The following NASP variants were observed in gnomAD, a reference collection of about 807,000 sequenced individuals.
NASP encodes nuclear autoantigenic sperm protein, also known as NASP histone chaperone.
In NASP, 24 loss-of-function variants were observed where a neutral mutation model predicts 89.5. That is an observed-to-expected ratio of 0.27 (90% CI 0.19 to 0.38). NASP has a LOEUF of 0.38. Among genes scored for constraint, NASP ranks in the 10% least tolerant of loss-of-function variants. The pLI, the probability that NASP is intolerant of heterozygous loss-of-function variation, is 1.00. For missense variants in NASP, 848 were observed against 921.4 expected (o/e 0.92, Z 1.03); for synonymous variants, 306 against 324.7 (o/e 0.94, Z 0.62).
rs547094616 is a variant in NASP at position 45,618,287 on chromosome 1, A to G, written c.*146A>G. 3 of 660,258 alleles carry G rather than the reference A, an allele frequency of 4.5e-6. No homozygotes were observed. The highest frequency in any genetic ancestry group is 1.8e-5 in the African/African-American group (1 of 54,464). The allele number at this position is 660,258 out of a possible 1,614,324, so 40.9% of individuals were successfully genotyped here. ...TGGTTTTTTTCTTAATTATTGGCTG[A>G]ATCTGCCTTGGAGCACTGCTGGTTT... is the stretch of plus-strand genomic sequence containing the variant. On this transcript the variant is annotated 3_prime_UTR_variant, in exon 15 of 15. Transcript: ENST00000350030.
chr1:45,599,978 C>CTTTTTT (rs1643800847), intron 2 of NASP, among the ~76,000 whole-genome samples: 1 of 63,234 alleles, frequency 1.6e-5, no homozygotes, highest in African/African-American at 7.6e-5. Flanking sequence ...TTTTTTTTGG[C>CTTTTTT]TTGCCTTCTT....
At chr1:45,602,445 A>G in intron 3 of NASP, 80 bp downstream of exon 3, 1 of 1,355,224 alleles carries the variant, frequency 7.4e-7, no homozygotes, top group Non-Finnish European at 1.0e-6. Flanking sequence ...TTATGGGGAA[A>G]AAGCATGAAG....
Position 45,608,152 on chromosome 1 carries a change from T to C in NASP, c.1241T>C (p.Val414Ala), listed in dbSNP as rs1482093329. ...TKDGSGLEEKVRAKLVPSQEE... is the reference protein window; with the variant it reads ...TKDGSGLEEKARAKLVPSQEE... ...GATGGCTCAGGACTAGAGGAGAAGG[T>C]CAGGGCAAAGCTGGTTCCTAGTCAG... The change falls in exon 6 of 15, where the codon GTC becomes GCC. Residue 414 changes from valine to alanine, a missense_variant. By Grantham distance (64) the Val-to-Ala change is moderately conservative. Coordinates refer to ENST00000350030, the MANE Select transcript of NASP (RefSeq NM_002482.4). 1 of 1,614,094 alleles carries C rather than the reference T, an allele frequency of 6.2e-7. No homozygotes were observed. The highest frequency in any genetic ancestry group is 1.7e-5 in the Admixed American group (1 of 60,012).
chr1:45,614,678 A>G (rs1283808834), intron 9 of NASP, among the ~76,000 whole-genome samples: 2 of 152,152 alleles, frequency 1.3e-5, no homozygotes, highest in Non-Finnish European at 2.9e-5. Context: ...AGCTGGGATT[A>G]CAGGCACCCA....
chr1:45,613,619 C>T (rs1028234867), intron 7 of NASP, among the ~76,000 whole-genome samples: 4 of 152,176 alleles, frequency 2.6e-5, no homozygotes, highest in Admixed American at 2.6e-4. Flanking sequence ...ATAGCTAGGT[C>T]TCCAGATGTC....
rs749639588 is a variant in NASP at position 45,606,476 on chromosome 1, T to C, written c.300-6T>C. 17 of 1,608,358 alleles carry C rather than the reference T, an allele frequency of 1.1e-5. No individual in the cohort carries two copies. The South Asian group carries it at 1.6e-4, about 16-fold the overall frequency. Reference sequence around the variant, plus strand: ...AAACCTTTGGTGCTTTCTTTTGTTCTCCTAGAATGGAGAATGGTGTGTTGG... The same window carrying C: ...AAACCTTTGGTGCTTTCTTTTGTTCCCCTAGAATGGAGAATGGTGTGTTGG... On this transcript the variant is annotated splice_polypyrimidine_tract_variant and splice_region_variant and intron_variant, in intron 4 of 14. Coordinates refer to ENST00000350030, the MANE Select transcript of NASP (RefSeq NM_002482.4).
At chr1:45,586,569 G>C (rs1002855873) in intron 1 of NASP, among the ~76,000 whole-genome samples, 2 of 151,976 alleles carry the variant, frequency 1.3e-5, no homozygotes, top group African/African-American at 2.4e-5. Flanking sequence ...GATTACCGGC[G>C]TGAGCCACCA....
chr1:45,600,816 C>G (rs529228523), intron 2 of NASP, among the ~76,000 whole-genome samples: 53 of 152,176 alleles, frequency 3.5e-4, no homozygotes, highest in Non-Finnish European at 5.0e-4. Flanking sequence ...TTTGACAGTT[C>G]TAGTTGCCCT....
rs1292037769 is a variant in NASP at position 45,608,151 on chromosome 1, G to A, written c.1240G>A (p.Val414Ile). The A allele has an allele frequency of 1.9e-6, 3 of 1,614,042 alleles. No individual in the cohort carries two copies. The African/African-American group carries it at 4.0e-5, about 22-fold the overall frequency. ...TKDGSGLEEK[V>I]RAKLVPSQEE... ...AGATGGCTCAGGACTAGAGGAGAAG[G>A]TCAGGGCAAAGCTGGTTCCTAGTCA... The change falls in exon 6 of 15, where the codon GTC (valine) becomes ATC (isoleucine). Residue 414 changes from valine (V) to isoleucine (I), a missense_variant. Val to Ile is a conservative substitution (Grantham distance 29). Around this residue, in one of 5 missense-constraint regions of NASP, gnomAD observed 464 missense variants for 469.4 expected, o/e 0.99. Coordinates refer to ENST00000350030, the MANE Select transcript of NASP (RefSeq NM_002482.4).
chr1:45,606,262 G>A lies in NASP; in HGVS notation c.300-220G>A, dbSNP rs187802213. 1.3e-4 allele frequency among the ~76,000 whole-genome samples: 20 copies of A among 152,266 alleles called. No homozygotes were observed. In the East Asian group the frequency reaches 3.5e-3, roughly 26 times the overall value. ...TTGACAAGAGACATGCTTTTCAGGC[G>A]GCTGGATGGAGGAATATGCTTATTT... On this transcript the variant is annotated intron_variant, in intron 4 of 14. Coordinates refer to ENST00000350030, the MANE Select transcript of NASP (RefSeq NM_002482.4).
At chr1:45,606,713 C>A in intron 5 of NASP, 122 bp downstream of exon 5, 1 of 597,348 alleles carries the variant, frequency 1.7e-6, no homozygotes, top group Non-Finnish European at 2.9e-6. Flanking sequence ...GGTGATGATG[C>A]CTGCATCTGG....
chr1:45,617,782 T>C (rs1447366100), intron 14 of NASP, among the ~76,000 whole-genome samples, 191 bp downstream of exon 14: 2 of 152,216 alleles, frequency 1.3e-5, no homozygotes, highest in Admixed American at 1.3e-4. Flanking sequence ...CACTGACAAA[T>C]GGAACCTGTA....
chr1:45,615,136 A>C lies in NASP; in HGVS notation c.1790A>C (p.Asn597Thr). 1.2e-6 allele frequency: 2 copies of C among 1,614,070 alleles called. No individual in the cohort carries two copies. The highest frequency in any genetic ancestry group is 1.7e-6 in the Non-Finnish European group (2 of 1,180,026). Residue 597 changes from asparagine to threonine, a missense_variant, in exon 10 of 15, where the codon AAC (asparagine) becomes ACC (threonine). Coordinates refer to ENST00000350030, the MANE Select transcript of NASP (RefSeq NM_002482.4). ...CAGCTGGGCTTGGCTTATGGGTACA[A>C]CTCTCAGTATGATGAGGCAGTGGCA... Reference protein sequence around the residue: ...HYQLGLAYGYNSQYDEAVAQF... With the variant: ...HYQLGLAYGYTSQYDEAVAQF...
chr1:45,586,449 C>G (rs915364013), intron 1 of NASP, among the ~76,000 whole-genome samples: 2 of 152,048 alleles, frequency 1.3e-5, no homozygotes, highest in Admixed American at 1.3e-4. Context: ...CAAGGCCCAG[C>G]TGATTCTAGT....
chr1:45,593,217 C>T (rs2148335015), intron 2 of NASP, among the ~76,000 whole-genome samples: 1 of 151,940 alleles, frequency 6.6e-6, no homozygotes, highest in South Asian at 2.1e-4. Flanking sequence ...ATGAAATAGG[C>T]GATTCTGATA....
intron 2 of NASP, among the ~76,000 whole-genome samples, chr1:45,592,321 G>T (rs1466908774): frequency 1.3e-5 from 2 of 151,894 alleles, no homozygotes; most frequent in Non-Finnish European, 2.9e-5. Flanking sequence ...TGCTTTGTTG[G>T]CCAGGGTGGT....
chr1:45,588,085 CA>C (rs1340480229), intron 1 of NASP, among the ~76,000 whole-genome samples: 4 of 147,608 alleles, frequency 2.7e-5, no homozygotes, highest in Non-Finnish European at 4.5e-5. Context: ...ACTAAAAATA[CA>C]AAAATCAGCC....
intron 1 of NASP, among the ~76,000 whole-genome samples, chr1:45,587,679 T>TAC (rs1644574822): frequency 1.1e-5 from 1 of 92,700 alleles, no homozygotes; most frequent in Non-Finnish European, 2.1e-5. Context: ...TATATATATA[T>TAC]ATATATATAA....
chr1:45,600,170 C>CT (rs1302079126), intron 2 of NASP, among the ~76,000 whole-genome samples: 2 of 152,102 alleles, frequency 1.3e-5, no homozygotes, highest in Admixed American at 1.3e-4. Context: ...GTCACTGACT[C>CT]TTGCTCTTTT....
Sources: gnomAD v4.1 joint callset for allele counts (sites outside exome capture counted in the v4.1 genomes callset) on GRCh38, gnomAD v4.1.1 for gene constraint, gnomAD v4.1.1 regional missense constraint, MANE v1.5 for transcripts, NCBI Gene and HGNC (gene_info 2026-07-23, HGNC 2026-07-21) for gene names.